The following MCPH1 variants were observed in gnomAD, a reference collection of about 807,000 sequenced individuals.
The protein encoded by MCPH1 is microcephalin.
A neutral mutation model predicts 84.5 loss-of-function variants in MCPH1; 104 were observed. The ratio of observed to expected loss-of-function variants is 1.23; its 90% CI spans 1.05 to 1.45. The LOEUF (loss-of-function observed/expected upper bound fraction) is 1.45, where lower values mean the gene tolerates loss of function less well. MCPH1 is among the 40% of genes most tolerant of loss of function. The pLI is 0.00. For missense variants in MCPH1, 1,498 were observed against 1,005.7 expected (o/e 1.49, Z -6.62); for synonymous variants, 514 against 366.8 (o/e 1.40, Z -4.58).
At chr8:6,440,233 G>A (rs1477066134) in intron 6 of MCPH1, among the ~76,000 whole-genome samples, 1 of 151,962 alleles carries the variant, frequency 6.6e-6, no homozygotes, top group African/African-American at 2.4e-5. Flanking sequence ...ATATGGTTTG[G>A]TTGTTCTTGT....
chr8:6,448,505 A>C (rs146794231), intron 8 of MCPH1, among the ~76,000 whole-genome samples: 1 of 152,338 alleles, frequency 6.6e-6, no homozygotes, highest in Non-Finnish European at 1.5e-5. Context: ...ACAGGGGAGC[A>C]ACCAAATCTG....
chr8:6,612,434 G>A (rs894931104), intron 12 of MCPH1, among the ~76,000 whole-genome samples: 1 of 152,170 alleles, frequency 6.6e-6, no homozygotes, highest in Non-Finnish European at 1.5e-5. Context: ...CAGTGCTGCT[G>A]CCTGTCTTTT....
chr8:6,625,554 A>G (rs1236974420), intron 13 of MCPH1: 1 of 979,198 alleles, frequency 1.0e-6, no homozygotes, highest in Non-Finnish European at 1.2e-6. Context: ...TAAATTATGA[A>G]AAGACAATAC....
intron 12 of MCPH1, among the ~76,000 whole-genome samples, chr8:6,558,129 G>A (rs571107249): frequency 2.6e-5 from 4 of 152,150 alleles, no homozygotes; most frequent in Admixed American, 2.6e-4. Context: ...TTTTGGGCCA[G>A]GAAAGATCCT....
chr8:6,477,698 T>C, intron 10 of MCPH1, 67 bp downstream of exon 10: 1 of 1,380,944 alleles, frequency 7.2e-7, no homozygotes, highest in Non-Finnish European at 1.0e-6. Flanking sequence ...ACTCTAATTC[T>C]GGGTGCCTTT....
At chr8:6,488,268 G>GAGCC (rs2129560716) in intron 11 of MCPH1, among the ~76,000 whole-genome samples, 1 of 152,344 alleles carries the variant, frequency 6.6e-6, no homozygotes, top group African/African-American at 2.4e-5. Flanking sequence ...TCCCAGGTTG[G>GAGCC]AGCCGCTGTG....
rs548279786 is a variant in MCPH1, at chr8:6,639,117, C to G, written c.2453-3877C>G. ...TCGATACTTCTGGCAGCCTTTATCC[C>G]CACCACGATAAATACGTGGATGGAA... On this transcript the variant is annotated intron_variant, in intron 13 of 13. Coordinates refer to ENST00000344683, the MANE Select transcript of MCPH1 (RefSeq NM_024596.5). Among the ~76,000 whole-genome samples the G allele has an allele frequency of 6.6e-5, 10 of 152,268 alleles. No individual in the cohort carries two copies. In the South Asian group the frequency reaches 2.1e-3, roughly 32 times the overall value.
chr8:6,406,884 C>T lies in MCPH1; in HGVS notation c.22+195C>T, dbSNP rs550588038. Among the ~76,000 whole-genome samples, 20 of 96,502 alleles carry T rather than the reference C, an allele frequency of 2.1e-4. No homozygotes were observed. The East Asian group carries it at 7.0e-3, about 34-fold the overall frequency. 63.3% of individuals were successfully genotyped at this position (96,502 alleles called of 152,430 possible). ...CAAAACCCCCTGCTCCTGCTCTCTC[C>T]CCCGCTGCCTGTCCCCCCAAAACCC... On this transcript the variant is annotated intron_variant, in intron 1 of 13. Coordinates refer to ENST00000344683, the MANE Select transcript of MCPH1 (RefSeq NM_024596.5).
In MCPH1 at chr8:6,445,349, ACTC is replaced by A; in HGVS notation, c.1630_1632del (p.Pro544del). 1.9e-6 allele frequency: 3 copies of A among 1,614,200 alleles called. No individual in the cohort carries two copies. The highest frequency in any genetic ancestry group is 1.7e-6 in the Non-Finnish European group (2 of 1,180,042). ...TCCAAAAGGACATGATGATGATTTA[ACTC>A]CTTTGGAAGGAAGCCTTGAAGAAAT... On this transcript the variant is annotated inframe_deletion, in exon 8 of 14. Coordinates refer to ENST00000344683, the MANE Select transcript of MCPH1 (RefSeq NM_024596.5).
At chr8:6,478,106 A>G (rs1295036479) in intron 10 of MCPH1, among the ~76,000 whole-genome samples, 3 of 152,240 alleles carry the variant, frequency 2.0e-5, no homozygotes, top group East Asian at 3.8e-4. Flanking sequence ...ATACAGTGCT[A>G]TATTCTTTGC....
At chr8:6,485,417 A>G (rs188493071) in intron 11 of MCPH1, among the ~76,000 whole-genome samples, 37 of 152,194 alleles carry the variant, frequency 2.4e-4, no homozygotes, top group African/African-American at 8.4e-4. Context: ...TTGGTTTCAG[A>G]ACTAGGTTTC....
intron 12 of MCPH1, chr8:6,514,644 A>G (rs1352597016): frequency 3.1e-6 from 5 of 1,588,040 alleles, no homozygotes; most frequent in African/African-American, 1.3e-5. Context: ...CACAAGGGAA[A>G]TTCTTTTCTG....
intron 11 of MCPH1, chr8:6,494,072 C>G (rs1435465572): frequency 6.6e-6 from 1 of 152,114 alleles, no homozygotes; most frequent in African/African-American, 2.4e-5. Flanking sequence ...TCTTGAGTAG[C>G]TGGGATTACA....
chr8:6,456,212 A>G (rs2922822), intron 9 of MCPH1, among the ~76,000 whole-genome samples: 43,173 of 152,108 alleles, frequency 0.28, 8,509 homozygotes, highest in African/African-American at 0.56. Context: ...GTAAAGCAAC[A>G]GATGTGGAGA....
At chr8:6,503,507 T>G (rs1014980252) in intron 12 of MCPH1, among the ~76,000 whole-genome samples, 1 of 152,182 alleles carries the variant, frequency 6.6e-6, no homozygotes, top group African/African-American at 2.4e-5. Context: ...TTGTGCTGTG[T>G]GGAGAGGCCT....
chr8:6,546,032 C>G (rs992182674), intron 12 of MCPH1, among the ~76,000 whole-genome samples: 2 of 152,248 alleles, frequency 1.3e-5, no homozygotes, highest in Non-Finnish European at 2.9e-5. Context: ...ATTTGAGAAT[C>G]AAACACACCC....
At chr8:6,483,495 T>C (rs1809480108) in intron 11 of MCPH1, among the ~76,000 whole-genome samples, 1 of 152,126 alleles carries the variant, frequency 6.6e-6, no homozygotes, top group African/African-American at 2.4e-5. Flanking sequence ...AATCCAGAAA[T>C]AGACCCCCAA....
intron 12 of MCPH1, chr8:6,502,062 A>C (rs1812302941): frequency 6.6e-6 from 1 of 152,070 alleles, no homozygotes; most frequent in Admixed American, 6.6e-5. Flanking sequence ...GGCTTTTCTC[A>C]ACCAGAAATT....
intron 12 of MCPH1, among the ~76,000 whole-genome samples, chr8:6,530,499 ACT>A (rs1819275693): frequency 8.3e-6 from 1 of 121,004 alleles, no homozygotes; most frequent in African/African-American, 3.2e-5. Context: ...ATGCAGTGAG[ACT>A]CTGTCTCAAA....
Sources: gnomAD v4.1 joint callset for allele counts (sites outside exome capture counted in the v4.1 genomes callset) on GRCh38, gnomAD v4.1.1 for gene constraint, MANE v1.5 for transcripts, NCBI Gene and HGNC (gene_info 2026-07-23, HGNC 2026-07-21) for gene names.